Variants in SLX4 observed in about 807,000 individuals in gnomAD.
The protein encoded by SLX4 is structure-specific endonuclease subunit SLX4.
A neutral mutation model predicts 146.2 loss-of-function variants in SLX4; 112 were observed. That is an observed-to-expected ratio of 0.77 (90% CI 0.66 to 0.90). The LOEUF (loss-of-function observed/expected upper bound fraction) is 0.90. SLX4 is among the 40% of genes least tolerant of loss of function. The pLI is 0.00. For missense variants in SLX4, 2,563 were observed against 2,392.7 expected (o/e 1.07, Z -1.49); for synonymous variants, 1,061 against 997.7 (o/e 1.06, Z -1.20).
chr16:3,597,410 A>G lies in SLX4; in HGVS notation c.1652T>C (p.Val551Ala), dbSNP rs1473299270. Residue 551 changes from valine to alanine, a missense_variant, in exon 7 of 15, where the codon GTC (valine) becomes GCC (alanine). By Grantham distance (64) the Val-to-Ala change is moderately conservative (BLOSUM62 0). Transcript: ENST00000294008. This position sits in a 1 kb window ranked among gnomAD's most constrained non-coding sequence, Gnocchi z 4.4. ...AGGCCGCTGGGGCACGAGAGGAGGG[A>G]CCAGCCTGGCCGTGTAGAAGTCCTC... The part of the protein sequence containing the change: ...AMEDFYTARL[V>A]PPLVPQRPAQ... 6.3e-7 allele frequency: 1 copy of G among 1,598,292 alleles called. No individual in the cohort carries two copies. The highest frequency in any genetic ancestry group is 8.5e-7 in the Non-Finnish European group (1 of 1,172,094).
At chr16:3,594,355 G>A in intron 10 of SLX4, 98 bp downstream of exon 10, 1 of 1,513,088 alleles carries the variant, frequency 6.6e-7, no homozygotes, top group Non-Finnish European at 9.0e-7. Flanking sequence ...TGGGGGGGTG[G>A]AAAGGGCACC....
rs374472057 is a variant in SLX4 at position 3,592,895 on chromosome 16, A to G, written c.2161-30T>C. 8.8e-6 allele frequency: 14 copies of G among 1,597,842 alleles called. No individual in the cohort carries two copies. The African/African-American group carries it at 1.2e-4, about 14-fold the overall frequency. Reference sequence around the variant, plus strand: ...AGGTGAAATGCAACACAGAGGGTTTACTGATCAGAGAGTTGTAACTTGGAG... The same window carrying G: ...AGGTGAAATGCAACACAGAGGGTTTGCTGATCAGAGAGTTGTAACTTGGAG... On this transcript the variant is annotated intron_variant, in intron 10 of 14. Coordinates refer to ENST00000294008, the MANE Select transcript of SLX4 (RefSeq NM_032444.4).
rs1379372323 is a variant in SLX4, at chr16:3,582,036, G to A, written c.*306C>T. 2.4e-5 allele frequency: 11 copies of A among 462,040 alleles called. No homozygotes were observed. Among genetic ancestry groups the A allele is most frequent in the African/African-American group, 9.7e-5 (5 of 51,600 alleles). 28.6% of individuals were successfully genotyped at this position (462,040 alleles called of 1,614,324 possible). ...CCAGCCTAGGTGACACAGCACGACT[G>A]TCTCAAAAAGAAAAAAAAAAAGAAA... On this transcript the variant is annotated 3_prime_UTR_variant, in exon 15 of 15. Transcript: ENST00000294008.
At chr16:3,594,669 C>T (rs2151128662) in intron 9 of SLX4, 70 bp from the exon 10 acceptor site, 2 of 1,606,120 alleles carry the variant, frequency 1.2e-6, no homozygotes, top group Non-Finnish European at 1.7e-6. Context: ...GTGGGAAGCT[C>T]CCCGCATGGA....
intron 3 of SLX4, among the ~76,000 whole-genome samples, chr16:3,605,669 C>G (rs1186503997): frequency 6.6e-6 from 1 of 151,860 alleles, no homozygotes; most frequent in Non-Finnish European, 1.5e-5. Context: ...AAAAGGAGGC[C>G]AGGCACAGTG....
At chr16:3,600,347 G>A (rs767837137) in intron 5 of SLX4, among the ~76,000 whole-genome samples, 4 of 152,176 alleles carry the variant, frequency 2.6e-5, no homozygotes, top group Non-Finnish European at 2.9e-5. Flanking sequence ...AGGCTGGGGG[G>A]TTGGGGACCC....
At chr16:3,607,333 C>T (rs1297015097) in intron 2 of SLX4, among the ~76,000 whole-genome samples, 1 of 152,114 alleles carries the variant, frequency 6.6e-6, no homozygotes. Flanking sequence ...TGAGACTCTA[C>T]CACCACTCTA....
chr16:3,605,151 GCA>G (rs2040768816), intron 3 of SLX4, among the ~76,000 whole-genome samples: 1 of 151,428 alleles, frequency 6.6e-6, no homozygotes, highest in Admixed American at 6.6e-5. Flanking sequence ...GTGCAGTGGT[GCA>G]ATCTCGGCTC....
At chr16:3,601,313 T>G in intron 4 of SLX4, 122 bp from the exon 5 acceptor site, 1 of 962,886 alleles carries the variant, frequency 1.0e-6, no homozygotes, top group Non-Finnish European at 1.6e-6. Context: ...GCCAATCCCC[T>G]CTACACAGCC....
chr16:3,602,842 T>A (rs1473326785), intron 3 of SLX4, among the ~76,000 whole-genome samples: 3 of 152,184 alleles, frequency 2.0e-5, no homozygotes, highest in Admixed American at 2.0e-4. Flanking sequence ...CAGCATCTCT[T>A]ACTTAGCATC....
At chr16:3,601,361 A>G in intron 4 of SLX4, 170 bp from the exon 5 acceptor site, 1 of 675,418 alleles carries the variant, frequency 1.5e-6, no homozygotes, top group Non-Finnish European at 2.6e-6. Context: ...TAGACACTAC[A>G]CTTAGGTATC....
chr16:3,606,770 G>C, intron 2 of SLX4, 72 bp from the exon 3 acceptor site: 1 of 1,528,838 alleles, frequency 6.5e-7, no homozygotes, highest in East Asian at 2.2e-5. Context: ...ACCAGATACA[G>C]GTTAGACGCA....
Position 3,609,094 on chromosome 16 carries a change from A to G in SLX4, c.-130T>C. 1 of 1,177,496 alleles carries G rather than the reference A, an allele frequency of 8.5e-7. No homozygotes were observed. Among genetic ancestry groups the G allele is most frequent in the Non-Finnish European group, 1.2e-6 (1 of 829,176 alleles). The allele number at this position is 1,177,496 out of a possible 1,614,324, so 72.9% of individuals were successfully genotyped here. A position where few individuals can be genotyped will look rare whatever the true frequency, so the allele number is the denominator to read the frequency against. ...TGGGCCTGTGGTTAAACATGTTTAA[A>G]GCTTCCCTCTGTTAAAGTCCACAAC... On this transcript the variant is annotated 5_prime_UTR_variant, in exon 2 of 15. Transcript: ENST00000294008.
intron 10 of SLX4, among the ~76,000 whole-genome samples, chr16:3,593,196 C>T (rs766685826): frequency 3.3e-5 from 5 of 152,138 alleles, no homozygotes; most frequent in East Asian, 1.9e-4. Context: ...CTCAGCCTCC[C>T]GAGTAGCTGG....
chr16:3,604,627 C>T lies in SLX4; in HGVS notation c.760+1847G>A, dbSNP rs1372241815. ...CACAAGGTCAGGAGTTCCAGAACAG[C>T]CTGGCCGGCATGGTGAAACCCCAAC... is the stretch of plus-strand genomic sequence containing the variant. On this transcript the variant is annotated intron_variant, in intron 3 of 14. Coordinates refer to ENST00000294008, the MANE Select transcript of SLX4 (RefSeq NM_032444.4). Among the ~76,000 whole-genome samples the T allele has an allele frequency of 2.6e-5, 4 of 151,980 alleles. No homozygotes were observed. In the East Asian group the frequency reaches 5.8e-4, roughly 22 times the overall value.
chr16:3,590,584 A>C lies in SLX4; in HGVS notation c.3054T>G (p.Val1018=), dbSNP rs2040574759. The C allele has an allele frequency of 1.2e-6, 2 of 1,612,684 alleles. No individual in the cohort carries two copies. Among genetic ancestry groups the C allele is most frequent in the Non-Finnish European group, 1.7e-6 (2 of 1,178,896 alleles). ...CCTGCCAGGGAGCCAGGCGATGAGA[A>C]ACCTCCAGCCCCCTTTCCCTGACAG... The part of the protein sequence containing the change: ...SGAVRERGLE[V]SHRLAPWQAS... The change falls in exon 12 of 15, where the codon GTT becomes GTG. Residue 1018 remains valine, a synonymous_variant. Transcript: ENST00000294008. The surrounding 1 kb of genome is among the most constrained non-coding windows in gnomAD (Gnocchi z 4.8).
rs780972710 is a variant in SLX4 at position 3,597,912 on chromosome 16, C to T, written c.1251G>A (p.Pro417=). 59 of 1,614,016 alleles carry T rather than the reference C, an allele frequency of 3.7e-5. No individual in the cohort carries two copies. The highest frequency in any genetic ancestry group is 3.3e-4 in the Middle Eastern group (2 of 6,084). ...PRKRRKVDEA[P]SEDLLVAMAL... ...CCATGGCCACCAGCAGGTCCTCGGA[C>T]GGTGCCTCGTCCACCTTCCGCCTCT... The change falls in exon 6 of 15, where the codon CCG becomes CCA. Residue 417 remains proline, a synonymous_variant. Transcript: ENST00000294008. This position sits in a 1 kb window ranked among gnomAD's most constrained non-coding sequence, Gnocchi z 4.4.
chr16:3,606,234 G>C (rs2040781162), intron 3 of SLX4, among the ~76,000 whole-genome samples: 1 of 152,056 alleles, frequency 6.6e-6, no homozygotes, highest in East Asian at 1.9e-4. Context: ...CTGGGTGACA[G>C]AGCAAGGCTC....
At chr16:3,607,664 G>A (rs2040802115) in intron 2 of SLX4, among the ~76,000 whole-genome samples, 1 of 152,122 alleles carries the variant, frequency 6.6e-6, no homozygotes, top group Admixed American at 6.6e-5. Context: ...CAGCCTGGGT[G>A]AGAGACCAAG....
Sources: allele counts gnomAD v4.1 joint callset (sites outside exome capture counted in the v4.1 genomes callset), GRCh38; gene constraint gnomAD v4.1.1; non-coding constraint Gnocchi (gnomAD v3.1); transcripts MANE v1.5; gene names NCBI Gene and HGNC (gene_info 2026-07-23, HGNC 2026-07-21).